MOK: variants seen among roughly 807,000 people sequenced by gnomAD.
The protein encoded by MOK is MAPK/MAK/MRK overlapping kinase.
Under a neutral mutation model 54.2 loss-of-function variants are expected in MOK, and 59 were observed. The observed-to-expected ratio is 1.09, with a 90% CI of 0.88 to 1.35. The LOEUF is 1.35. Among genes scored for constraint, MOK ranks in the 40% most tolerant of loss-of-function variants. The pLI is 0.00. For missense variants in MOK, 517 were observed against 526.2 expected, an observed-to-expected ratio of 0.98 and a Z score of 0.17; for synonymous variants, 210 against 202.7, an observed-to-expected ratio of 1.04 and a Z score of -0.31.
chr14:102,278,847 T>C (rs976348696), intron 2 of MOK, among the ~76,000 whole-genome samples: 1 of 152,206 alleles, frequency 6.6e-6, no homozygotes, highest in Non-Finnish European at 1.5e-5. Context: ...ATCTCCAAAA[T>C]AGTCTTCAAG....
rs3818664 is a variant in MOK, at chr14:102,233,780, G to C, written c.600C>G (p.Pro200=). The C allele has an allele frequency of 3.7e-3, 5,943 of 1,613,622 alleles. 135 individuals are homozygous for C. In the Admixed American group the frequency reaches 0.048, roughly 13 times the overall value. Residue 200 remains proline (P), a synonymous_variant, in exon 8 of 12, where the codon CCC becomes CCG. Transcript: ENST00000361847. ...CVFYEIASLQ[P]LFPGVNELDQ... ...CCAGTTCATTTACTCCAGGAAAGAG[G>C]GGCTGCAGACTGGAAGGGCAGAAGG...
intron 1 of MOK, among the ~76,000 whole-genome samples, chr14:102,304,304 T>C (rs956996801): frequency 1.2e-4 from 18 of 152,228 alleles, no homozygotes; most frequent in African/African-American, 4.3e-4. Context: ...TCTAGCTGGT[T>C]GCACTTGGAT....
chr14:102,275,920 T>C (rs1288116141), intron 2 of MOK, among the ~76,000 whole-genome samples: 2 of 152,214 alleles, frequency 1.3e-5, no homozygotes. Context: ...TATTTTTTCT[T>C]TTTTTCTCCC....
rs1463473371 is a variant in MOK, at chr14:102,265,880, T to G, written c.155A>C (p.Gln52Pro). Residue 52 changes from glutamine to proline, a missense_variant, in exon 3 of 12, where the codon CAA becomes CCA. Physicochemically the swap from Gln to Pro is moderately conservative, Grantham distance 76 (BLOSUM62 -1). Transcript: ENST00000361847. ...IEQVNNLREI[Q>P]ALRRLNPHPN... ...GTGCGGATTCAGGCGCCTCAGTGCT[T>G]GGATCTCTCGTAGGTTGTTGACTTG... 6.2e-7 allele frequency: 1 copy of G among 1,614,068 alleles called. No homozygotes were observed.
In MOK at chr14:102,229,506, C is replaced by A. The variant is rs780389117; in HGVS notation, c.1133G>T (p.Gly378Val). The change falls in exon 11 of 12, where the codon GGA becomes GTA. Residue 378 changes from glycine (G) to valine (V), a missense_variant. By Grantham distance (109) the Gly-to-Val change is moderately radical. Coordinates refer to ENST00000361847, the MANE Select transcript of MOK (RefSeq NM_014226.3). ...LQSVLGSGTN[G>V]RVPVLRPLKC... ...CAAGGGTCTCAGCACCGGCACTCTT[C>A]CATTTGTTCCAGATCCAAGCACGGA... The A allele has an allele frequency of 6.2e-7, 1 of 1,614,186 alleles. No homozygotes were observed. Among genetic ancestry groups the A allele is most frequent in the Non-Finnish European group, 8.5e-7 (1 of 1,180,040 alleles).
At chr14:102,269,945 G>C (rs903141275) in intron 2 of MOK, among the ~76,000 whole-genome samples, 1 of 152,162 alleles carries the variant, frequency 6.6e-6, no homozygotes, top group Non-Finnish European at 1.5e-5. Flanking sequence ...GACATTTACA[G>C]AACAGTATAT....
intron 4 of MOK, among the ~76,000 whole-genome samples, chr14:102,253,712 T>C (rs1210595626): frequency 6.6e-6 from 1 of 152,218 alleles, no homozygotes; most frequent in Non-Finnish European, 1.5e-5. Flanking sequence ...CATCACAGTT[T>C]ACCCCTGTTC....
In MOK at chr14:102,232,119, A is replaced by G; in HGVS notation, c.867-298T>C. On this transcript the variant is annotated intron_variant, in intron 9 of 11. Coordinates refer to ENST00000361847, the MANE Select transcript of MOK (RefSeq NM_014226.3). This position sits in a 1 kb window ranked among gnomAD's most constrained non-coding sequence, Gnocchi z 5.1. Reference sequence around the variant, plus strand: ...CAGGAGTGTCCAGAGGTCCGGAATTAGGTGACCTCAGGGCAGACAGGTCTT... The same window carrying G: ...CAGGAGTGTCCAGAGGTCCGGAATTGGGTGACCTCAGGGCAGACAGGTCTT... 1 of 375,086 alleles carries G rather than the reference A, an allele frequency of 2.7e-6. No homozygotes were observed. Among genetic ancestry groups the G allele is most frequent in the Non-Finnish European group, 4.8e-6 (1 of 208,748 alleles). 23.2% of individuals were successfully genotyped at this position (375,086 alleles called of 1,614,324 possible).
At position 102,249,438 on chromosome 14, in the gene MOK, G is replaced by C. The variant is rs760257008; in HGVS notation, c.590+1374C>G. Among the ~76,000 whole-genome samples, 1 of 152,144 alleles carries C rather than the reference G, an allele frequency of 6.6e-6. No homozygotes were observed. Among genetic ancestry groups the C allele is most frequent in the African/African-American group, 2.4e-5 (1 of 41,414 alleles). On this transcript the variant is annotated intron_variant, in intron 7 of 11. Coordinates refer to ENST00000361847, the MANE Select transcript of MOK (RefSeq NM_014226.3). This position sits in a 1 kb window ranked among gnomAD's most constrained non-coding sequence, Gnocchi z 5.3. The stretch of plus-strand genomic sequence containing the variant: ...AAGATTTTAAACCTGTGCTGGGCGC[G>C]GTGGCTCATGCCTGTAATCCCAGCA...
In MOK at chr14:102,245,304, C is replaced by T. The variant is rs2066009641; in HGVS notation, c.590+5508G>A. 6.6e-6 allele frequency among the ~76,000 whole-genome samples: 1 copy of T among 151,988 alleles called. No homozygotes were observed. Among genetic ancestry groups the T allele is most frequent in the Admixed American group, 6.5e-5 (1 of 15,278 alleles). Reference sequence around the variant, plus strand: ...CTCGAAGCAGCCCTGAGAAACATCGCCCATTATCTCTTCATACCACCCCCC... The same window carrying T: ...CTCGAAGCAGCCCTGAGAAACATCGTCCATTATCTCTTCATACCACCCCCC... On this transcript the variant is annotated intron_variant, in intron 7 of 11. Transcript: ENST00000361847. This position sits in a 1 kb window ranked among gnomAD's most constrained non-coding sequence, Gnocchi z 4.3.
At position 102,251,772 on chromosome 14, in the gene MOK, T is replaced by G; in HGVS notation, c.395A>C (p.Glu132Ala). The change falls in exon 6 of 12, where the codon GAA (glutamate) becomes GCA (alanine). Residue 132 changes from glutamate (E) to alanine (A), a missense_variant. By Grantham distance (107) the Glu-to-Ala change is moderately radical. Coordinates refer to ENST00000361847, the MANE Select transcript of MOK (RefSeq NM_014226.3). ...NGIFHRDVKPENILIKQDVLK... is the reference protein window; with the variant it reads ...NGIFHRDVKPANILIKQDVLK... ...AGCTCTTACCTTTATTAGTATATTT[T>G]CTGGTTTTACATCTCTGTGAAATAT... The G allele has an allele frequency of 1.3e-6, 2 of 1,569,526 alleles. No individual in the cohort carries two copies. The highest frequency in any genetic ancestry group is 1.8e-6 in the Non-Finnish European group (2 of 1,141,332).
intron 1 of MOK, among the ~76,000 whole-genome samples, chr14:102,285,816 C>T (rs897296970): frequency 3.9e-5 from 6 of 152,030 alleles, no homozygotes; most frequent in Admixed American, 1.3e-4. Flanking sequence ...TGCTCAAACC[C>T]GGAAGGCAGA....
In MOK at chr14:102,229,069, G is replaced by A. The variant is rs1052780; in HGVS notation, c.*220C>T. 0.046 allele frequency: 23,359 copies of A among 508,914 alleles called. 654 individuals are homozygous for A. The highest frequency in any genetic ancestry group is 0.058 in the Non-Finnish European group (17,006 of 292,342). The allele number at this position is 508,914 out of a possible 1,614,324, so 31.5% of individuals were successfully genotyped here. A position where few individuals can be genotyped will look rare whatever the true frequency, so the allele number is the denominator to read the frequency against. The stretch of plus-strand genomic sequence containing the variant: ...TTAACGAAAATGAAAGAAAACCCTA[G>A]AATGCGGTGGTTTTACAAGTATATT... On this transcript the variant is annotated 3_prime_UTR_variant, in exon 12 of 12. Coordinates refer to ENST00000361847, the MANE Select transcript of MOK (RefSeq NM_014226.3).
chr14:102,275,669 A>G (rs909410984), intron 2 of MOK, among the ~76,000 whole-genome samples: 2 of 152,072 alleles, frequency 1.3e-5, no homozygotes, highest in Non-Finnish European at 2.9e-5. Context: ...ACCTAGAAGT[A>G]GACAAAAATT....
At chr14:102,283,638 C>T (rs1212900495) in intron 1 of MOK, 46 bp from the exon 2 acceptor site, 2 of 1,161,960 alleles carry the variant, frequency 1.7e-6, no homozygotes, top group Non-Finnish European at 2.5e-6. Context: ...TTTATGCATA[C>T]ACTTGTATTC....
At chr14:102,242,693 A>C (rs937126043) in intron 7 of MOK, among the ~76,000 whole-genome samples, 1 of 151,994 alleles carries the variant, frequency 6.6e-6, no homozygotes, top group Non-Finnish European at 1.5e-5. Context: ...TCTCCTTACA[A>C]TTCCCCCATT....
Position 102,298,590 on chromosome 14 carries a change from C to T in MOK, c.7+6372G>A, listed in dbSNP as rs141589302. On this transcript the variant is annotated intron_variant, in intron 1 of 11. Coordinates refer to ENST00000361847, the MANE Select transcript of MOK (RefSeq NM_014226.3). ...CGCACCAATCAGCACCCTGTCAAAA[C>T]GGACCAATCAGCTCTCTGTAAAACA... Among the ~76,000 whole-genome samples the T allele has an allele frequency of 3.9e-3, 597 of 152,232 alleles. 6 individuals are homozygous for T. Among genetic ancestry groups the T allele is most frequent in the African/African-American group, 0.013 (552 of 41,522 alleles).
intron 2 of MOK, among the ~76,000 whole-genome samples, chr14:102,269,310 C>T (rs1187369311): frequency 6.6e-6 from 1 of 151,910 alleles, no homozygotes. Flanking sequence ...CCTCAGCCTC[C>T]TGAGTAGCTG....
chr14:102,300,278 C>T lies in MOK; in HGVS notation c.7+4684G>A, dbSNP rs914933525. 4.1e-5 allele frequency among the ~76,000 whole-genome samples: 6 copies of T among 146,604 alleles called. No individual in the cohort carries two copies. In the East Asian group the frequency reaches 6.0e-4, roughly 15 times the overall value. Reference sequence around the variant, plus strand: ...GGTGGAGGTTGCAGTGAGCCGAGATCGCGCCATTGGACTCCAGCCTAGGCA... The same window carrying T: ...GGTGGAGGTTGCAGTGAGCCGAGATTGCGCCATTGGACTCCAGCCTAGGCA... On this transcript the variant is annotated intron_variant, in intron 1 of 11. Transcript: ENST00000361847.
Sources: gnomAD v4.1 joint callset for allele counts (sites outside exome capture counted in the v4.1 genomes callset) on GRCh38, gnomAD v4.1.1 for gene constraint, Gnocchi (gnomAD v3.1) non-coding constraint, MANE v1.5 for transcripts, NCBI Gene and HGNC (gene_info 2026-07-23, HGNC 2026-07-21) for gene names.